The following PCDHGA6 variants were observed in gnomAD, a reference collection of about 807,000 sequenced individuals.
The protein encoded by PCDHGA6 is protocadherin gamma subfamily A, 6, also known as protocadherin gamma-A6.
In PCDHGA6, 41 loss-of-function variants were observed where a neutral mutation model predicts 60.6. The ratio of observed to expected loss-of-function variants is 0.68; its 90% CI spans 0.53 to 0.88. The LOEUF (loss-of-function observed/expected upper bound fraction) is 0.88. Ranked by LOEUF, PCDHGA6 falls within the 40% of genes least tolerant of loss-of-function variation. PCDHGA6 has a pLI of 0.00. For synonymous variants in PCDHGA6, 594 were observed against 524.4 expected (o/e 1.13, Z -1.81); for missense variants, 1,312 against 1,203.0 (o/e 1.09, Z -1.34).
At chr5:141,399,048 G>T (rs779434482) in intron 1 of PCDHGA6, 1 of 1,613,830 alleles carries the variant, frequency 6.2e-7, no homozygotes, top group East Asian at 2.2e-5. Context: ...ATTTTGAAGA[G>T]ACCAAGGAAT....
chr5:141,490,811 A>G lies in PCDHGA6; in HGVS notation c.2425-3996A>G, dbSNP rs750702067. The G allele has an allele frequency of 1.2e-6, 2 of 1,613,918 alleles. No homozygotes were observed. The highest frequency in any genetic ancestry group is 8.5e-7 in the Non-Finnish European group (1 of 1,179,884). On this transcript the variant is annotated intron_variant, in intron 1 of 3. Coordinates refer to ENST00000517434, the MANE Select transcript of PCDHGA6 (RefSeq NM_018919.3). This position sits in a 1 kb window ranked among gnomAD's most constrained non-coding sequence, Gnocchi z 5.4. ...ATCTTTGCCCAGCGTACCTTTGACTATGAATTGCTGCAGATGCTGCAGATT... is the reference window on the plus strand; with the variant it reads ...ATCTTTGCCCAGCGTACCTTTGACTGTGAATTGCTGCAGATGCTGCAGATT...
chr5:141,413,425 C>T, intron 1 of PCDHGA6: 1 of 1,614,098 alleles, frequency 6.2e-7, no homozygotes, highest in Non-Finnish European at 8.5e-7. Flanking sequence ...TCTGAACCCG[C>T]GCAGCGGCAG....
At chr5:141,385,495 T>G in intron 1 of PCDHGA6, 1 of 1,391,982 alleles carries the variant, frequency 7.2e-7, no homozygotes, top group Non-Finnish European at 9.3e-7. Flanking sequence ...ACATAGGATA[T>G]AGTATTTCTT....
In PCDHGA6 at chr5:141,432,518, C is replaced by T. The variant is rs1314948517; in HGVS notation, c.2424+56011C>T. 6.2e-7 allele frequency: 1 copy of T among 1,614,126 alleles called. No homozygotes were observed. The highest frequency in any genetic ancestry group is 8.5e-7 in the Non-Finnish European group (1 of 1,180,024). On this transcript the variant is annotated intron_variant, in intron 1 of 3. Coordinates refer to ENST00000517434, the MANE Select transcript of PCDHGA6 (RefSeq NM_018919.3). This position sits in a 1 kb window ranked among gnomAD's most constrained non-coding sequence, Gnocchi z 6.0. The stretch of plus-strand genomic sequence containing the variant: ...TCCCCGCTCCGCAGAGCCCGGCTAC[C>T]TGGTGACCAAGGTGGTGGCGGTGGA...
At chr5:141,394,610 C>T in intron 1 of PCDHGA6, 1 of 1,613,488 alleles carries the variant, frequency 6.2e-7, no homozygotes, top group African/African-American at 1.3e-5. Flanking sequence ...GAGACTCGGG[C>T]CAGAACGCCT....
chr5:141,419,701 C>T (rs1268060859), intron 1 of PCDHGA6: 7 of 1,612,860 alleles, frequency 4.3e-6, no homozygotes, highest in Non-Finnish European at 5.9e-6. Flanking sequence ...CCAGTGAGCC[C>T]GGGCTCTTCA....
chr5:141,385,198 C>A, intron 1 of PCDHGA6: 1 of 1,614,224 alleles, frequency 6.2e-7, no homozygotes, highest in Non-Finnish European at 8.5e-7. Flanking sequence ...TCGGAAGAGT[C>A]ACCTGATCTT....
At chr5:141,460,908 T>C (rs550367008) in intron 1 of PCDHGA6, among the ~76,000 whole-genome samples, 2,136 of 133,318 alleles carry the variant, frequency 0.016, 43 homozygotes, top group African/African-American at 0.062. Flanking sequence ...TAATATTCCA[T>C]GGTGTATATA....
At chr5:141,480,298 C>G (rs1238380283) in intron 1 of PCDHGA6, among the ~76,000 whole-genome samples, 1 of 132,676 alleles carries the variant, frequency 7.5e-6, no homozygotes, top group Non-Finnish European at 1.6e-5. Flanking sequence ...ACCTGTGGTA[C>G]CAGCTACTTG....
chr5:141,405,439 A>G (rs1285285172), intron 1 of PCDHGA6: 1 of 1,423,798 alleles, frequency 7.0e-7, no homozygotes, highest in Admixed American at 2.0e-5. Context: ...TTTGTTTTTG[A>G]GACAGAGTCT....
intron 1 of PCDHGA6, chr5:141,392,568 T>G: frequency 2.3e-6 from 1 of 442,486 alleles, no homozygotes; most frequent in South Asian, 4.4e-5. Flanking sequence ...CAGTAACTAT[T>G]TAGGACTGTA....
rs768132114 is a variant in PCDHGA6 at position 141,489,845 on chromosome 5, G to A, written c.2425-4962G>A. 5 of 1,614,188 alleles carry A rather than the reference G, an allele frequency of 3.1e-6. No homozygotes were observed. The highest frequency in any genetic ancestry group is 2.2e-5 in the South Asian group (2 of 91,088). On this transcript the variant is annotated intron_variant, in intron 1 of 3. Transcript: ENST00000517434. This position sits in a 1 kb window ranked among gnomAD's most constrained non-coding sequence, Gnocchi z 4.5. ...CTGGTGCTAGAGCAGCAGCTGGATC[G>A]TGAAGCCCAGGCAAGACATCAGCTG...
chr5:141,431,127 T>C lies in PCDHGA6; in HGVS notation c.2424+54620T>C, dbSNP rs1455709617. ...AAAATATATGGAGTAGAAGTAGAAG[T>C]AAGGGACATTAACGACAATGCGCCT... On this transcript the variant is annotated intron_variant, in intron 1 of 3. Transcript: ENST00000517434. This position sits in a 1 kb window ranked among gnomAD's most constrained non-coding sequence, Gnocchi z 4.8. 1 of 1,614,176 alleles carries C rather than the reference T, an allele frequency of 6.2e-7. No individual in the cohort carries two copies. Among genetic ancestry groups the C allele is most frequent in the East Asian group, 2.2e-5 (1 of 44,878 alleles).
intron 2 of PCDHGA6, among the ~76,000 whole-genome samples, chr5:141,498,411 C>T (rs747823234): frequency 2.0e-5 from 3 of 152,158 alleles, no homozygotes; most frequent in Non-Finnish European, 4.4e-5. Context: ...TTTCTCTTTG[C>T]TGGCACTGGA....
intron 1 of PCDHGA6, chr5:141,408,406 G>T (rs750833105): frequency 5.0e-6 from 8 of 1,614,066 alleles, no homozygotes; most frequent in East Asian, 2.2e-5. Flanking sequence ...AGCTGCGAGT[G>T]AGCGCGGAGA....
At position 141,403,569 on chromosome 5, in the gene PCDHGA6, C is replaced by A. The variant is rs1206497487; in HGVS notation, c.2424+27062C>A. On this transcript the variant is annotated intron_variant, in intron 1 of 3. Transcript: ENST00000517434. The stretch of plus-strand genomic sequence containing the variant: ...CGCGCCCTGGACAGGGAGGAGGCAA[C>A]TGCCCACCACCTGGTCCTCACGGCC... The A allele has an allele frequency of 5.6e-6, 9 of 1,613,828 alleles. No homozygotes were observed. The Admixed American group carries it at 6.7e-5, about 12-fold the overall frequency.
intron 1 of PCDHGA6, chr5:141,404,724 T>C: frequency 6.2e-7 from 1 of 1,613,942 alleles, no homozygotes; most frequent in Non-Finnish European, 8.5e-7. Context: ...GTGACCAAGG[T>C]GGTGGCAGTG....
intron 1 of PCDHGA6, among the ~76,000 whole-genome samples, chr5:141,430,383 G>GA (rs139772145): frequency 0.061 from 8,436 of 138,452 alleles, 243 homozygotes; most frequent in South Asian, 0.089. Context: ...AGCTCATTGG[G>GA]AAAAAAAAAA....
At chr5:141,457,469 AG>A (rs1170841505) in intron 1 of PCDHGA6, among the ~76,000 whole-genome samples, 1 of 152,226 alleles carries the variant, frequency 6.6e-6, no homozygotes, top group Non-Finnish European at 1.5e-5. Context: ...CACAGGAATA[AG>A]CAGGGCCAGG....
Sources: gnomAD v4.1 joint callset for allele counts (sites outside exome capture counted in the v4.1 genomes callset) on GRCh38, gnomAD v4.1.1 for gene constraint, Gnocchi (gnomAD v3.1) non-coding constraint, MANE v1.5 for transcripts, NCBI Gene and HGNC (gene_info 2026-07-23, HGNC 2026-07-21) for gene names.